Variants in SDK1 observed in about 807,000 individuals in gnomAD.
SDK1 encodes the protein sidekick cell adhesion molecule 1, also known as protein sidekick-1.
SDK1 carries 157 observed loss-of-function variants against 245.5 expected under a neutral mutation model. That is an observed-to-expected ratio of 0.64 (90% confidence interval 0.56 to 0.73). The LOEUF is 0.73. SDK1 is among the 30% of genes least tolerant of loss of function. SDK1 has a pLI of 0.00. For missense variants in SDK1, 3,583 were observed against 3,002.3 expected, an observed-to-expected ratio of 1.19 and a Z score of -4.52; for synonymous variants, 1,647 against 1,278.5, an observed-to-expected ratio of 1.29 and a Z score of -6.15.
At chr7:3,966,548 G>C (rs368044153) in intron 9 of SDK1, among the ~76,000 whole-genome samples, 1 of 152,144 alleles carries the variant, frequency 6.6e-6, no homozygotes, top group Non-Finnish European at 1.5e-5. Flanking sequence ...AGCACTTGGG[G>C]ATCATGACAC....
At chr7:4,187,997 A>G (rs1282576664) in intron 35 of SDK1, among the ~76,000 whole-genome samples, 1 of 152,180 alleles carries the variant, frequency 6.6e-6, no homozygotes, top group African/African-American at 2.4e-5. Context: ...GCAAGAGAGA[A>G]TGAGAGCCAA....
intron 1 of SDK1, among the ~76,000 whole-genome samples, chr7:3,531,018 A>G (rs1043999817): frequency 6.6e-6 from 1 of 152,212 alleles, no homozygotes; most frequent in South Asian, 2.1e-4. Flanking sequence ...GAATTAAGCT[A>G]TTAGAATATT....
intron 5 of SDK1, among the ~76,000 whole-genome samples, chr7:3,916,092 A>C (rs955702515): frequency 6.6e-6 from 1 of 152,210 alleles, no homozygotes; most frequent in Non-Finnish European, 1.5e-5. Context: ...GCTTTTTCCA[A>C]AGAGGGTTTT....
chr7:3,624,647 A>T (rs2128646145), intron 2 of SDK1, among the ~76,000 whole-genome samples: 1 of 152,212 alleles, frequency 6.6e-6, no homozygotes, highest in Middle Eastern at 3.4e-3. Context: ...TTTTTTCTAA[A>T]ACCCAAGGCA....
chr7:4,156,073 G>T (rs983002481), intron 30 of SDK1, among the ~76,000 whole-genome samples: 1 of 152,156 alleles, frequency 6.6e-6, no homozygotes, highest in Non-Finnish European at 1.5e-5. Flanking sequence ...TCAGTTTCAC[G>T]ATGCCTGTGC....
chr7:4,227,531 A>G (rs1785514118), intron 40 of SDK1: 1 of 452,584 alleles, frequency 2.2e-6, no homozygotes, highest in Admixed American at 2.4e-5. Flanking sequence ...AAGAAATGGC[A>G]GTATTTAAGA....
At position 4,174,963 on chromosome 7, in the gene SDK1, A is replaced by G. The variant is rs531199236; in HGVS notation, c.4936+606A>G. ...ACCCACCAAACGGTGTCACAAAAATACTCTTTGCCCCTTGACATCCTCGTG... is the reference window on the plus strand; with the variant it reads ...ACCCACCAAACGGTGTCACAAAAATGCTCTTTGCCCCTTGACATCCTCGTG... On this transcript the variant is annotated intron_variant, in intron 33 of 44. Coordinates refer to ENST00000404826, the MANE Select transcript of SDK1 (RefSeq NM_152744.4). Among the ~76,000 whole-genome samples, 5 of 152,150 alleles carry G rather than the reference A, an allele frequency of 3.3e-5. No homozygotes were observed. In the East Asian group the frequency reaches 9.7e-4, roughly 29 times the overall value.
At chr7:4,135,690 AG>A (rs1326684018) in intron 28 of SDK1, among the ~76,000 whole-genome samples, 3 of 152,312 alleles carry the variant, frequency 2.0e-5, no homozygotes, top group Admixed American at 6.5e-5. Context: ...CATCCCTCAA[AG>A]GGGAAGCACA....
Position 3,469,118 on chromosome 7 carries a change from C to T in SDK1, c.299-149962C>T, listed in dbSNP as rs756915009. ...TGTTGTGATTTGAAATTTCGAATTT[C>T]GTGTCAATTATGTAATTCCATCAGA... is the stretch of plus-strand genomic sequence containing the variant. On this transcript the variant is annotated intron_variant, in intron 1 of 44. Transcript: ENST00000404826. 3.3e-5 allele frequency among the ~76,000 whole-genome samples: 5 copies of T among 152,122 alleles called. No individual in the cohort carries two copies. In the South Asian group the frequency reaches 6.2e-4, roughly 19 times the overall value.
chr7:3,939,542 G>A (rs973857709), intron 5 of SDK1, among the ~76,000 whole-genome samples: 4 of 152,132 alleles, frequency 2.6e-5, no homozygotes, highest in African/African-American at 7.2e-5. Context: ...GAATTGCCCA[G>A]GTTCTGCCAC....
rs932905062 is a variant in SDK1 at position 4,017,092 on chromosome 7, C to T, written c.2421-79C>T. On this transcript the variant is annotated intron_variant, in intron 16 of 44. Coordinates refer to ENST00000404826, the MANE Select transcript of SDK1 (RefSeq NM_152744.4). Reference sequence around the variant, plus strand: ...TTATTTACTTCCATTTCCCCCTAACCCTGCGGAATAACTGCGGGTAAACAC... The same window carrying T: ...TTATTTACTTCCATTTCCCCCTAACTCTGCGGAATAACTGCGGGTAAACAC... 4.3e-6 allele frequency: 6 copies of T among 1,384,182 alleles called. No homozygotes were observed. The African/African-American group carries it at 7.2e-5, about 17-fold the overall frequency. 85.7% of individuals were successfully genotyped at this position (1,384,182 alleles called of 1,614,324 possible).
At chr7:3,378,613 G>T (rs1781409332) in intron 1 of SDK1, among the ~76,000 whole-genome samples, 1 of 152,058 alleles carries the variant, frequency 6.6e-6, no homozygotes, top group Non-Finnish European at 1.5e-5. Context: ...TGTTTGTGCA[G>T]TGGGGGGCCC....
At chr7:3,515,990 T>C (rs982406407) in intron 1 of SDK1, among the ~76,000 whole-genome samples, 3 of 152,176 alleles carry the variant, frequency 2.0e-5, no homozygotes, top group Non-Finnish European at 4.4e-5. Flanking sequence ...ATTTCTTTGC[T>C]AATTGTTTTA....
chr7:3,454,237 C>G lies in SDK1; in HGVS notation c.298+152353C>G, dbSNP rs868020657. Among the ~76,000 whole-genome samples, 3 of 152,244 alleles carry G rather than the reference C, an allele frequency of 2.0e-5. No individual in the cohort carries two copies. In the Middle Eastern group the frequency reaches 0.01, roughly 518 times the overall value. On this transcript the variant is annotated intron_variant, in intron 1 of 44. Transcript: ENST00000404826. ...TTTACATCAAGGAAAACCAGGTCCA[C>G]AAATAAAATCGATACAGCTAGATTA...
intron 9 of SDK1, among the ~76,000 whole-genome samples, chr7:3,963,450 T>C (rs58061835): frequency 0.27 from 7,417 of 27,410 alleles, 1,584 homozygotes; most frequent in African/African-American, 0.5. Context: ...CACCCAGGCT[T>C]ACAGCTACCT....
chr7:4,238,521 C>G (rs1258834895), intron 42 of SDK1, among the ~76,000 whole-genome samples: 2 of 151,906 alleles, frequency 1.3e-5, no homozygotes, highest in African/African-American at 4.8e-5. Context: ...CATGATCACA[C>G]CACTGTACTC....
intron 12 of SDK1, 140 bp from the exon 13 acceptor site, chr7:3,974,229 C>A: frequency 5.8e-6 from 3 of 518,726 alleles, no homozygotes; most frequent in South Asian, 3.8e-5. Context: ...AGAAAAATCA[C>A]TCTTTTAAAG....
chr7:3,978,620 T>G (rs1365796524), intron 13 of SDK1, among the ~76,000 whole-genome samples: 1 of 152,156 alleles, frequency 6.6e-6, no homozygotes, highest in Non-Finnish European at 1.5e-5. Flanking sequence ...CAACAGAGCT[T>G]GACTCTACAA....
At chr7:3,617,398 A>G (rs1353224255) in intron 1 of SDK1, among the ~76,000 whole-genome samples, 1 of 152,222 alleles carries the variant, frequency 6.6e-6, no homozygotes, top group Non-Finnish European at 1.5e-5. Flanking sequence ...TTGTTAGAGC[A>G]TATTGTGCAG....
Sources: allele counts gnomAD v4.1 joint callset (sites outside exome capture counted in the v4.1 genomes callset), GRCh38; gene constraint gnomAD v4.1.1; transcripts MANE v1.5; gene names NCBI Gene and HGNC (gene_info 2026-07-23, HGNC 2026-07-21).